The following CDH4 variants were observed in gnomAD, a reference collection of about 807,000 sequenced individuals.
CDH4 encodes cadherin 4, also known as cadherin-4.
Under a neutral mutation model 86.0 loss-of-function variants are expected in CDH4, and 33 were observed. That is an observed-to-expected ratio of 0.38 (90% confidence interval 0.29 to 0.51). The LOEUF is 0.51. Ranked by LOEUF, CDH4 falls within the 20% of genes least tolerant of loss-of-function variation. The probability of loss-of-function intolerance (pLI) is 0.86; values close to 1 mark genes in which losing one functional copy is unlikely to be tolerated. For synonymous variants in CDH4, 555 were observed against 549.4 expected, an observed-to-expected ratio of 1.01 and a Z score of -0.14; for missense variants, 1,114 against 1,307.4, an observed-to-expected ratio of 0.85 and a Z score of 2.28.
At position 61,377,213 on chromosome 20, in the gene CDH4, T is replaced by C. The variant is rs1484215695; in HGVS notation, c.169+122276T>C. 6.6e-6 allele frequency among the ~76,000 whole-genome samples: 1 copy of C among 152,068 alleles called. No individual in the cohort carries two copies. The highest frequency in any genetic ancestry group is 2.4e-5 in the African/African-American group (1 of 41,404). On this transcript the variant is annotated intron_variant, in intron 2 of 15. Coordinates refer to ENST00000614565, the MANE Select transcript of CDH4 (RefSeq NM_001794.5). This position sits in a 1 kb window ranked among gnomAD's most constrained non-coding sequence, Gnocchi z 4.0. ...AATCTAAAACGGAGGAGCCTTGAAG[T>C]TTGCAGAAGTGGAATAGAGGCATGG...
chr20:61,913,640 C>G (rs1192825880), intron 9 of CDH4, among the ~76,000 whole-genome samples: 2 of 152,224 alleles, frequency 1.3e-5, no homozygotes, highest in Non-Finnish European at 2.9e-5. Context: ...GGAACTGATT[C>G]CTGAGATGGG....
Position 61,873,773 on chromosome 20 carries a change from C to T in CDH4, c.923C>T (p.Thr308Ile). 1 of 1,613,964 alleles carries T rather than the reference C, an allele frequency of 6.2e-7. No homozygotes were observed. The highest frequency in any genetic ancestry group is 8.5e-7 in the Non-Finnish European group (1 of 1,180,030). Residue 308 changes from threonine (T) to isoleucine (I), a missense_variant, in exon 7 of 16, where the codon ACC (threonine) becomes ATC (isoleucine). Physicochemically the swap from Thr to Ile is moderately conservative, Grantham distance 89. Coordinates refer to ENST00000614565, the MANE Select transcript of CDH4 (RefSeq NM_001794.5). ...ACGGCCAACGATGCTGACGACAGCA[C>T]CACGGCCAACGGGATGGTGCGGTAC... ...TVTANDADDS[T>I]TANGMVRYRI...
At chr20:61,359,312 G>A (rs895456243) in intron 2 of CDH4, among the ~76,000 whole-genome samples, 5 of 152,114 alleles carry the variant, frequency 3.3e-5, no homozygotes, top group Non-Finnish European at 7.4e-5. Flanking sequence ...TGTCAGCTAC[G>A]CCGACCCCGA....
intron 2 of CDH4, among the ~76,000 whole-genome samples, chr20:61,331,953 C>T (rs1313819247): frequency 9.2e-5 from 14 of 152,232 alleles, no homozygotes; most frequent in Admixed American, 5.9e-4. Flanking sequence ...GTCGCCTGTG[C>T]GCCCCACAGG....
chr20:61,637,925 G>A (rs1429043362), intron 2 of CDH4, among the ~76,000 whole-genome samples: 1 of 151,968 alleles, frequency 6.6e-6, no homozygotes, highest in African/African-American at 2.4e-5. Context: ...GGAGGCTGAG[G>A]CAGGAGAATC....
chr20:61,605,830 G>T (rs955942721), intron 2 of CDH4, among the ~76,000 whole-genome samples: 5 of 151,250 alleles, frequency 3.3e-5, no homozygotes, highest in Non-Finnish European at 7.4e-5. Flanking sequence ...CTAGAATCTG[G>T]ATCCTTGTAC....
At chr20:61,345,258 A>T (rs978332864) in intron 2 of CDH4, among the ~76,000 whole-genome samples, 2 of 152,208 alleles carry the variant, frequency 1.3e-5, no homozygotes, top group Admixed American at 6.5e-5. Context: ...CACCCCAGGG[A>T]AATCGAGAGT....
chr20:61,745,251 T>C (rs1340389081), intron 3 of CDH4, among the ~76,000 whole-genome samples: 1 of 152,174 alleles, frequency 6.6e-6, no homozygotes, highest in Non-Finnish European at 1.5e-5. Context: ...TGTAAGCCTC[T>C]GAGTGAGACC....
chr20:61,668,241 C>T (rs2087348819), intron 2 of CDH4, among the ~76,000 whole-genome samples: 1 of 152,172 alleles, frequency 6.6e-6, no homozygotes. Flanking sequence ...GAGCTGGAAG[C>T]TGTAGGTGCA....
At chr20:61,793,619 A>T (rs1234680972) in intron 4 of CDH4, among the ~76,000 whole-genome samples, 1 of 151,838 alleles carries the variant, frequency 6.6e-6, no homozygotes, top group South Asian at 2.1e-4. Flanking sequence ...AGGCAGGTGG[A>T]TCACGAGGTC....
At chr20:61,843,651 C>T (rs2146100382) in intron 4 of CDH4, among the ~76,000 whole-genome samples, 1 of 150,756 alleles carries the variant, frequency 6.6e-6, no homozygotes, top group Middle Eastern at 3.4e-3. Context: ...TATGATTGCC[C>T]TACTGCACTC....
At chr20:61,855,653 A>T (rs1055703655) in intron 6 of CDH4, among the ~76,000 whole-genome samples, 1 of 152,240 alleles carries the variant, frequency 6.6e-6, no homozygotes, top group African/African-American at 2.4e-5. Context: ...AAGTCTTCCC[A>T]AAAGCGCAAT....
intron 2 of CDH4, among the ~76,000 whole-genome samples, chr20:61,382,532 G>C (rs529354835): frequency 6.6e-6 from 1 of 152,314 alleles, no homozygotes; most frequent in Non-Finnish European, 1.5e-5. Flanking sequence ...GCTTCCCAGG[G>C]CTGTTGTGAC....
intron 13 of CDH4, among the ~76,000 whole-genome samples, chr20:61,931,154 G>A (rs2055104223): frequency 1.3e-5 from 2 of 152,246 alleles, no homozygotes; most frequent in Non-Finnish European, 2.9e-5. Context: ...CATCTTGTCT[G>A]CCTGGATGAG....
chr20:61,262,277 C>A (rs2084132096), intron 2 of CDH4, among the ~76,000 whole-genome samples: 1 of 152,148 alleles, frequency 6.6e-6, no homozygotes, highest in Non-Finnish European at 1.5e-5. Flanking sequence ...CCTTTCTGCC[C>A]ATGTCGGGGT....
At chr20:61,778,165 A>G (rs548999692) in intron 4 of CDH4, among the ~76,000 whole-genome samples, 1 of 152,098 alleles carries the variant, frequency 6.6e-6, no homozygotes, top group African/African-American at 2.4e-5. Context: ...CCCCATTTCC[A>G]TCTATAGGAA....
chr20:61,852,452 C>T (rs537404084), intron 5 of CDH4, among the ~76,000 whole-genome samples: 16 of 152,376 alleles, frequency 1.1e-4, no homozygotes, highest in Middle Eastern at 3.4e-3. Context: ...CGGTGGCTCA[C>T]GGAACAGTCG....
intron 2 of CDH4, among the ~76,000 whole-genome samples, chr20:61,712,768 G>T (rs1236946169): frequency 2.0e-5 from 3 of 152,292 alleles, no homozygotes; most frequent in African/African-American, 7.2e-5. Context: ...ATCACGGAAG[G>T]CTCCCCATGC....
At chr20:61,635,682 T>C (rs1025131698) in intron 2 of CDH4, among the ~76,000 whole-genome samples, 1 of 152,144 alleles carries the variant, frequency 6.6e-6, no homozygotes, top group Admixed American at 6.5e-5. Flanking sequence ...GCTTGGGAAT[T>C]CTGGGGGTTG....
Sources: gnomAD v4.1 joint callset for allele counts (sites outside exome capture counted in the v4.1 genomes callset) on GRCh38, gnomAD v4.1.1 for gene constraint, Gnocchi (gnomAD v3.1) non-coding constraint, MANE v1.5 for transcripts, NCBI Gene and HGNC (gene_info 2026-07-23, HGNC 2026-07-21) for gene names.